CACNA1B: variants seen among roughly 807,000 people sequenced by gnomAD.
CACNA1B encodes the protein voltage-dependent N-type calcium channel subunit alpha-1B.
A neutral mutation model predicts 247.2 loss-of-function variants in CACNA1B; 70 were observed. The ratio of observed to expected loss-of-function variants is 0.28; its 90% CI spans 0.23 to 0.35. The LOEUF is 0.35. Among genes scored for constraint, CACNA1B ranks in the 10% least tolerant of loss-of-function variants. The probability of loss-of-function intolerance (pLI) is 1.00; values close to 1 mark genes in which losing one functional copy is unlikely to be tolerated. For synonymous variants in CACNA1B, 1,231 were observed against 1,294.4 expected (o/e 0.95, Z 1.05); for missense variants, 2,367 against 3,197.4 (o/e 0.74, Z 6.26).
At position 138,054,115 on chromosome 9, in the gene CACNA1B, C is replaced by T. The variant is rs1959405083; in HGVS notation, c.3968+109C>T. ...TGGTCACACGGCGTGGGAGACTCCA[C>T]TGCAGAGCATCACGGACCCTGCCTG... On this transcript the variant is annotated intron_variant, in intron 26 of 46. Transcript: ENST00000371372. The surrounding 1 kb of genome is among the most constrained non-coding windows in gnomAD (Gnocchi z 4.6). 6 of 1,037,430 alleles carry T rather than the reference C, an allele frequency of 5.8e-6. No homozygotes were observed. The highest frequency in any genetic ancestry group is 8.8e-6 in the Non-Finnish European group (6 of 678,066). The allele number at this position is 1,037,430 out of a possible 1,614,324, so 64.3% of individuals were successfully genotyped here.
chr9:138,059,850 A>AC lies in CACNA1B; in HGVS notation c.4668+118dup. ...TTAGCCTCTTCCTGGGTTCCGCAGA[A>AC]CCCCCTGGACATGTGGAGGCTTCGC... On this transcript the variant is annotated intron_variant, in intron 31 of 46. Transcript: ENST00000371372. This position sits in a 1 kb window ranked among gnomAD's most constrained non-coding sequence, Gnocchi z 4.2. The AC allele has an allele frequency of 2.9e-6, 2 of 688,778 alleles. No homozygotes were observed. The highest frequency in any genetic ancestry group is 5.3e-6 in the Non-Finnish European group (2 of 380,058). The allele number at this position is 688,778 out of a possible 1,614,324, so 42.7% of individuals were successfully genotyped here. A position where few individuals can be genotyped will look rare whatever the true frequency, so the allele number is the denominator to read the frequency against.
In CACNA1B at chr9:138,021,554, C is replaced by T. The variant is rs545711404; in HGVS notation, c.2268-1457C>T. ...GGCTCAGGGCCCCGGAGCTGGTGGC[C>T]GCCGGCCTGGGCCTCTGCAGGCCGT... On this transcript the variant is annotated intron_variant, in intron 18 of 46. Coordinates refer to ENST00000371372, the MANE Select transcript of CACNA1B (RefSeq NM_000718.4). Among the ~76,000 whole-genome samples, 4 of 152,344 alleles carry T rather than the reference C, an allele frequency of 2.6e-5. No homozygotes were observed. The South Asian group carries it at 8.3e-4, about 32-fold the overall frequency.
At chr9:137,945,457 G>A (rs942576407) in intron 6 of CACNA1B, among the ~76,000 whole-genome samples, 1 of 152,234 alleles carries the variant, frequency 6.6e-6, no homozygotes, top group African/African-American at 2.4e-5. Context: ...GACCTTAGAT[G>A]GGTGCCAGCA....
At chr9:138,068,726 G>T (rs549137275) in intron 31 of CACNA1B, 2 of 473,128 alleles carry the variant, frequency 4.2e-6, no homozygotes, top group South Asian at 3.1e-5. Flanking sequence ...TCCAAGAGGG[G>T]CGGGAACTGC....
intron 3 of CACNA1B, among the ~76,000 whole-genome samples, chr9:137,903,228 A>C (rs750091613): frequency 2.3e-4 from 35 of 151,402 alleles, no homozygotes; most frequent in Non-Finnish European, 2.5e-4. Context: ...CTAAAAATAC[A>C]AAAAAAAATT....
chr9:137,905,339 T>A (rs1382552729), intron 3 of CACNA1B, among the ~76,000 whole-genome samples: 1 of 147,382 alleles, frequency 6.8e-6, no homozygotes, highest in Non-Finnish European at 1.5e-5. Context: ...GGTGACAGAG[T>A]GAGACTCTGT....
chr9:137,932,996 G>A (rs909782506), intron 6 of CACNA1B, among the ~76,000 whole-genome samples: 3 of 151,940 alleles, frequency 2.0e-5, no homozygotes, highest in Admixed American at 6.6e-5. Context: ...GCAATGGTGC[G>A]ATCTCAGCTC....
At chr9:138,040,265 C>G (rs1316062384) in intron 20 of CACNA1B, among the ~76,000 whole-genome samples, 1 of 152,028 alleles carries the variant, frequency 6.6e-6, no homozygotes. Context: ...TGTATCTCAT[C>G]TAAGAATTCC....
chr9:138,080,739 C>T (rs1960497775), intron 36 of CACNA1B, among the ~76,000 whole-genome samples: 1 of 152,122 alleles, frequency 6.6e-6, no homozygotes, highest in Non-Finnish European at 1.5e-5. Flanking sequence ...GAGGGGACAT[C>T]CATCCTCTTA....
At position 137,937,469 on chromosome 9, in the gene CACNA1B, C is replaced by T. The variant is rs536649884; in HGVS notation, c.967-14805C>T. Among the ~76,000 whole-genome samples, 184 of 152,196 alleles carry T rather than the reference C, an allele frequency of 1.2e-3. 1 individual carries two copies. The highest frequency in any genetic ancestry group is 3.4e-3 in the Middle Eastern group (1 of 294). ...AACGACCAAACCTAAGAATAATTGG[C>T]GTTCCTGAGGAAGAAGAGAAATCTA... On this transcript the variant is annotated intron_variant, in intron 6 of 46. Transcript: ENST00000371372.
At chr9:137,930,509 G>A (rs1450659410) in intron 6 of CACNA1B, among the ~76,000 whole-genome samples, 2 of 152,146 alleles carry the variant, frequency 1.3e-5, no homozygotes, top group Admixed American at 6.5e-5. Flanking sequence ...TACATGGCTC[G>A]GAATATGGTC....
intron 15 of CACNA1B, among the ~76,000 whole-genome samples, chr9:138,006,042 CAAA>C (rs11288171): frequency 1.3e-4 from 9 of 67,784 alleles, no homozygotes; most frequent in Non-Finnish European, 1.7e-4. Context: ...GACTCCATGT[CAAA>C]AAAAAAAAAA....
At chr9:137,926,621 A>C (rs1957554367) in intron 6 of CACNA1B, among the ~76,000 whole-genome samples, 1 of 152,188 alleles carries the variant, frequency 6.6e-6, no homozygotes, top group Admixed American at 6.5e-5. Flanking sequence ...CGTTTTGCAC[A>C]ATAGTTGTAC....
chr9:137,924,434 G>C (rs186686115), intron 6 of CACNA1B, among the ~76,000 whole-genome samples: 52 of 150,134 alleles, frequency 3.5e-4, no homozygotes, highest in African/African-American at 1.2e-3. Context: ...TGTTGAAAAG[G>C]CTGTATTTCC....
intron 32 of CACNA1B, among the ~76,000 whole-genome samples, chr9:138,070,368 A>T (rs1385561902): frequency 6.6e-6 from 1 of 152,200 alleles, no homozygotes. Context: ...GCTGAGTAGA[A>T]GAAGGGGGCT....
intron 6 of CACNA1B, among the ~76,000 whole-genome samples, chr9:137,943,560 T>C (rs1390577750): frequency 6.6e-6 from 1 of 151,968 alleles, no homozygotes; most frequent in African/African-American, 2.4e-5. Context: ...AAGGTATCTG[T>C]AACCTGCACG....
intron 3 of CACNA1B, among the ~76,000 whole-genome samples, chr9:137,909,299 C>T (rs1957334703): frequency 2.0e-5 from 3 of 152,032 alleles, no homozygotes; most frequent in Admixed American, 2.0e-4. Context: ...TTTGCAATTT[C>T]CAATTTTTTT....
At chr9:138,006,935 C>T in intron 16 of CACNA1B, 51 bp downstream of exon 16, 3 of 939,280 alleles carry the variant, frequency 3.2e-6, no homozygotes, top group Non-Finnish European at 5.2e-6. Context: ...TGGCCCTCCT[C>T]TTCTCCATGG....
intron 3 of CACNA1B, among the ~76,000 whole-genome samples, chr9:137,903,588 A>G (rs975226408): frequency 6.6e-6 from 1 of 152,054 alleles, no homozygotes; most frequent in African/African-American, 2.4e-5. Context: ...AGTTTTCCAG[A>G]TAGATTTTGA....
Sources: gnomAD v4.1 joint callset for allele counts (sites outside exome capture counted in the v4.1 genomes callset) on GRCh38, gnomAD v4.1.1 for gene constraint, Gnocchi (gnomAD v3.1) non-coding constraint, MANE v1.5 for transcripts, NCBI Gene and HGNC (gene_info 2026-07-23, HGNC 2026-07-21) for gene names.